Variants in PALS2 observed in about 807,000 individuals in gnomAD.
The protein encoded by PALS2 is protein associated with LIN7 2, MAGUK p55 family member, also known as protein PALS2.
In PALS2, 27 loss-of-function variants were observed where a neutral mutation model predicts 61.6. That is an observed-to-expected ratio of 0.44 (90% CI 0.32 to 0.60). PALS2 has a LOEUF of 0.60. PALS2 is among the 20% of genes least tolerant of loss of function. The probability of loss-of-function intolerance (pLI) is 0.05; values close to 1 mark genes in which losing one functional copy is unlikely to be tolerated. For missense variants in PALS2, 554 were observed against 639.4 expected, an observed-to-expected ratio of 0.87 and a Z score of 1.44; for synonymous variants, 236 against 218.6, an observed-to-expected ratio of 1.08 and a Z score of -0.70.
chr7:24,597,896 A>G (rs967343591), intron 1 of PALS2, among the ~76,000 whole-genome samples: 2 of 152,160 alleles, frequency 1.3e-5, no homozygotes, highest in Non-Finnish European at 2.9e-5. Flanking sequence ...AGGGGCAAGT[A>G]ATAGGATTGT....
At chr7:24,623,352 A>T (rs1440857740) in intron 1 of PALS2, among the ~76,000 whole-genome samples, 1 of 151,854 alleles carries the variant, frequency 6.6e-6, no homozygotes, top group Non-Finnish European at 1.5e-5. Flanking sequence ...GTCTGTTTGA[A>T]TTTTCTGTTT....
rs779120008 is a variant in PALS2, at chr7:24,634,123, A to C, written c.118-7593A>C. The stretch of plus-strand genomic sequence containing the variant: ...AGAGTCTTTCATGTATTCTGGGTAC[A>C]AGTCTTTTATGAGATATATCATTTG... On this transcript the variant is annotated intron_variant, in intron 2 of 11. Coordinates refer to ENST00000222644, the MANE Select transcript of PALS2 (RefSeq NM_001303037.2). Among the ~76,000 whole-genome samples the C allele has an allele frequency of 4.0e-5, 6 of 151,268 alleles. No individual in the cohort carries two copies. In the South Asian group the frequency reaches 6.3e-4, roughly 16 times the overall value.
chr7:24,675,391 T>TC (rs912619341), intron 9 of PALS2, among the ~76,000 whole-genome samples: 8 of 150,878 alleles, frequency 5.3e-5, no homozygotes, highest in Non-Finnish European at 1.0e-4. Context: ...TTTTTTTTTT[T>TC]CCCCTCTTAT....
chr7:24,594,667 CTT>C (rs1184560007), intron 1 of PALS2, among the ~76,000 whole-genome samples: 7 of 151,970 alleles, frequency 4.6e-5, no homozygotes, highest in Non-Finnish European at 1.0e-4. Context: ...TATCAGCTGT[CTT>C]ATATGGGGGT....
At chr7:24,607,659 G>A (rs1285088451) in intron 1 of PALS2, among the ~76,000 whole-genome samples, 2 of 150,956 alleles carry the variant, frequency 1.3e-5, no homozygotes, top group African/African-American at 2.4e-5. Flanking sequence ...GTATGCGTAT[G>A]TATACACACA....
intron 9 of PALS2, among the ~76,000 whole-genome samples, chr7:24,671,537 G>A (rs1290713293): frequency 6.6e-6 from 1 of 152,094 alleles, no homozygotes; most frequent in Non-Finnish European, 1.5e-5. Context: ...TTTTGATGAA[G>A]TCCAAATTTA....
chr7:24,588,240 TATC>T (rs1314785659), intron 1 of PALS2, among the ~76,000 whole-genome samples: 2 of 152,214 alleles, frequency 1.3e-5, no homozygotes, highest in Non-Finnish European at 2.9e-5. Flanking sequence ...CTTGACCAGA[TATC>T]ATCCTACCAA....
chr7:24,616,820 G>A (rs1244924123), intron 1 of PALS2, among the ~76,000 whole-genome samples: 1 of 152,064 alleles, frequency 6.6e-6, no homozygotes, highest in Admixed American at 6.6e-5. Flanking sequence ...ATGACTTGAT[G>A]CTTTTCTTTT....
chr7:24,590,273 A>C (rs1783232693), intron 1 of PALS2, among the ~76,000 whole-genome samples: 1 of 152,058 alleles, frequency 6.6e-6, no homozygotes, highest in South Asian at 2.1e-4. Flanking sequence ...TTGTGTTTTC[A>C]GCTACCTGTC....
rs1466159077 is a variant in PALS2, at chr7:24,693,713, G to C, written c.*6099G>C. On this transcript the variant is annotated 3_prime_UTR_variant, in exon 12 of 12. Transcript: ENST00000222644. ...TCTCTTTTAAAAAGAACTGCTGACT[G>C]GCTCCTGTCTCTTCAGTAACACTGA... The C allele has an allele frequency of 6.6e-6, 1 of 152,068 alleles. No homozygotes were observed. The highest frequency in any genetic ancestry group is 1.5e-5 in the Non-Finnish European group (1 of 67,994). The allele number at this position is 152,068 out of a possible 1,614,324, so 9.4% of individuals were successfully genotyped here.
At chr7:24,580,620 CAT>C (rs1440922266) in intron 1 of PALS2, among the ~76,000 whole-genome samples, 2 of 152,204 alleles carry the variant, frequency 1.3e-5, no homozygotes, top group Non-Finnish European at 2.9e-5. Context: ...TAGGTGGCCT[CAT>C]CCATAATTTA....
chr7:24,621,887 ACT>A (rs1784536153), intron 1 of PALS2, among the ~76,000 whole-genome samples: 1 of 152,034 alleles, frequency 6.6e-6, no homozygotes, highest in Non-Finnish European at 1.5e-5. Context: ...GTCTAGCGTC[ACT>A]CTCTAACATG....
Position 24,596,374 on chromosome 7 carries a change from T to A in PALS2, c.-3+22781T>A, listed in dbSNP as rs77809581. Among the ~76,000 whole-genome samples the A allele has an allele frequency of 0.016, 2,448 of 152,198 alleles. 82 individuals are homozygous for A. The highest frequency in any genetic ancestry group is 0.057 in the African/African-American group (2,346 of 41,504). ...TTGGATCTGTTATGAATTCTAGGTATTTTTGTAAGTATATATATAAAGTAT... is the reference window on the plus strand; with the variant it reads ...TTGGATCTGTTATGAATTCTAGGTAATTTTGTAAGTATATATATAAAGTAT... On this transcript the variant is annotated intron_variant, in intron 1 of 11. Transcript: ENST00000222644. This position sits in a 1 kb window ranked among gnomAD's most constrained non-coding sequence, Gnocchi z 4.5.
chr7:24,661,142 T>A, intron 5 of PALS2, among the ~76,000 whole-genome samples: 1 of 152,162 alleles, frequency 6.6e-6, no homozygotes, highest in Admixed American at 6.5e-5. Flanking sequence ...TGCAACACTT[T>A]AAATTGCATT....
chr7:24,594,374 C>G (rs1403785618), intron 1 of PALS2, among the ~76,000 whole-genome samples: 16 of 152,102 alleles, frequency 1.1e-4, no homozygotes, highest in Admixed American at 1.0e-3. Flanking sequence ...CTTTTAATTT[C>G]CCTCAAGAAC....
intron 1 of PALS2, among the ~76,000 whole-genome samples, chr7:24,612,704 G>C (rs1348197696): frequency 6.6e-6 from 1 of 151,706 alleles, no homozygotes; most frequent in Non-Finnish European, 1.5e-5. Flanking sequence ...TTTATAGTCA[G>C]CCAAACTCTC....
chr7:24,636,759 AGTT>A (rs1343893363), intron 2 of PALS2, among the ~76,000 whole-genome samples: 6 of 151,908 alleles, frequency 3.9e-5, no homozygotes, highest in Non-Finnish European at 7.4e-5. Flanking sequence ...TCTCTTAATG[AGTT>A]GTTGATCTTT....
chr7:24,665,686 A>C lies in PALS2; in HGVS notation c.882A>C (p.Ser294=). ...TTGTTAGAAGAGACTGGGACAATTC[A>C]GGTGATGAGCTCGACACAATAAGTA... ...KAFVRRDWDN[S]GPFCGTISSK... The change falls in exon 7 of 12, where the codon TCA becomes TCC. Residue 294 remains serine, a splice_region_variant and synonymous_variant. Transcript: ENST00000222644. 6.2e-7 allele frequency: 1 copy of C among 1,612,562 alleles called. No individual in the cohort carries two copies. Among genetic ancestry groups the C allele is most frequent in the Non-Finnish European group, 8.5e-7 (1 of 1,178,672 alleles).
At chr7:24,651,608 G>C (rs145205925) in intron 5 of PALS2, among the ~76,000 whole-genome samples, 129 of 152,274 alleles carry the variant, frequency 8.5e-4, no homozygotes, top group African/African-American at 2.9e-3. Context: ...CGTAAAGAAA[G>C]AAAAAGAAAT....
Sources: allele counts gnomAD v4.1 joint callset (sites outside exome capture counted in the v4.1 genomes callset), GRCh38; gene constraint gnomAD v4.1.1; non-coding constraint Gnocchi (gnomAD v3.1); transcripts MANE v1.5; gene names NCBI Gene and HGNC (gene_info 2026-07-23, HGNC 2026-07-21).